Variants in LAMA1 observed in about 807,000 individuals in gnomAD.
LAMA1 encodes laminin subunit alpha 1.
LAMA1 carries 219 observed loss-of-function variants against 348.7 expected under a neutral mutation model. That is an observed-to-expected ratio of 0.63 (90% CI 0.56 to 0.70). The LOEUF (loss-of-function observed/expected upper bound fraction) is 0.70. Among genes scored for constraint, LAMA1 ranks in the 30% least tolerant of loss-of-function variants. The pLI is 0.00. For missense variants in LAMA1, 3,744 were observed against 3,888.0 expected, an observed-to-expected ratio of 0.96 and a Z score of 0.99; for synonymous variants, 1,487 against 1,491.0, an observed-to-expected ratio of 1.00 and a Z score of 0.06.
chr18:7,081,419 T>C (rs2058192976), intron 1 of LAMA1, among the ~76,000 whole-genome samples: 1 of 152,204 alleles, frequency 6.6e-6, no homozygotes, highest in Non-Finnish European at 1.5e-5. Flanking sequence ...GGATTTTTTT[T>C]GTCTCTCTCT....
rs1600353665 is a variant in LAMA1, at chr18:6,964,209, T to C, written c.7337+453A>G. On this transcript the variant is annotated intron_variant, in intron 51 of 62. Transcript: ENST00000389658. ...GCTTTACTTCTCAAATCACATGGCA[T>C]AGAGTACTCTGAATAAATAGAAGCA... The C allele has an allele frequency of 7.5e-5, 18 of 239,772 alleles. 3 individuals carry two copies. The South Asian group carries it at 1.2e-3, about 16-fold the overall frequency. 14.9% of individuals were successfully genotyped at this position (239,772 alleles called of 1,614,324 possible).
intron 3 of LAMA1, among the ~76,000 whole-genome samples, chr18:7,055,260 G>A (rs926405583): frequency 6.6e-6 from 1 of 151,934 alleles, no homozygotes; most frequent in Non-Finnish European, 1.5e-5. Context: ...AGACCAGCCT[G>A]GCCAACATGG....
At chr18:7,008,884 T>A (rs651207) in intron 27 of LAMA1, among the ~76,000 whole-genome samples, 38,809 of 152,098 alleles carry the variant, frequency 0.26, 5,271 homozygotes, top group Non-Finnish European at 0.29. Context: ...GGCTTTCTTT[T>A]TGGGCTAAAG....
In LAMA1 at chr18:7,032,308, C is replaced by T. The variant is rs1598289432; in HGVS notation, c.2164-132G>A. 1.6e-5 allele frequency: 11 copies of T among 708,016 alleles called. No homozygotes were observed. The East Asian group carries it at 3.0e-4, about 19-fold the overall frequency. The allele number at this position is 708,016 out of a possible 1,614,324, so 43.9% of individuals were successfully genotyped here. A position where few individuals can be genotyped will look rare whatever the true frequency, so the allele number is the denominator to read the frequency against. Reference sequence around the variant, plus strand: ...ATCATTTACATGCTACACAATTCACCCATTTTAAGTGTACAATTCAATGAC... The same window carrying T: ...ATCATTTACATGCTACACAATTCACTCATTTTAAGTGTACAATTCAATGAC... On this transcript the variant is annotated intron_variant, in intron 15 of 62. Transcript: ENST00000389658.
Position 7,012,146 on chromosome 18 carries a change from G to T in LAMA1, c.3364-8C>A. 1.9e-6 allele frequency: 3 copies of T among 1,613,780 alleles called. No individual in the cohort carries two copies. The highest frequency in any genetic ancestry group is 2.5e-6 in the Non-Finnish European group (3 of 1,179,870). ...AGGACCAAAGACATTTTCCTACAGG[G>T]GAGCAAATAAAGGACTCGTTTTTGC... On this transcript the variant is annotated splice_polypyrimidine_tract_variant and splice_region_variant and intron_variant, in intron 23 of 62. Transcript: ENST00000389658.
intron 49 of LAMA1, chr18:6,965,814 G>A (rs2057630618): frequency 2.5e-6 from 1 of 402,450 alleles, no homozygotes; most frequent in Non-Finnish European, 4.5e-6. Flanking sequence ...TTCAAACAAT[G>A]TCACGGTGGT....
intron 3 of LAMA1, among the ~76,000 whole-genome samples, chr18:7,067,989 C>T (rs577468380): frequency 9.5e-4 from 144 of 152,142 alleles, no homozygotes; most frequent in African/African-American, 3.2e-3. Flanking sequence ...GAGTAGGTGG[C>T]ATTACAGGCA....
intron 3 of LAMA1, 89 bp from the exon 4 acceptor site, chr18:7,051,025 A>G (rs1198662274): frequency 6.6e-7 from 1 of 1,512,576 alleles, no homozygotes; most frequent in African/African-American, 1.4e-5. Context: ...ACTTAAAGGT[A>G]GAATCTAAGA....
At position 6,946,432 on chromosome 18, in the gene LAMA1, C is replaced by G. The variant is rs78464428; in HGVS notation, c.8844+731G>C. ...TTGTAGTATTGATACAATTAAGTAT[C>G]TTGATTGTGCTAGAAAAATGCATAA... On this transcript the variant is annotated intron_variant, in intron 61 of 62. Transcript: ENST00000389658. 9.1e-3 allele frequency among the ~76,000 whole-genome samples: 1,386 copies of G among 152,186 alleles called. 10 individuals carry two copies. Among genetic ancestry groups the G allele is most frequent in the Middle Eastern group, 0.034 (10 of 294 alleles).
intron 3 of LAMA1, among the ~76,000 whole-genome samples, chr18:7,054,943 T>C (rs1462879416): frequency 1.3e-5 from 2 of 152,146 alleles, no homozygotes; most frequent in Admixed American, 6.6e-5. Flanking sequence ...CATAATACAA[T>C]ACATACAACA....
Position 6,959,227 on chromosome 18 carries a change from G to A in LAMA1, c.7778+114C>T, listed in dbSNP as rs940174297. ...CCTAGCAAGGTTCTAGAATCGTCTG[G>A]ATGCCGATGACCCCAGTCATCTAGC... On this transcript the variant is annotated intron_variant, in intron 54 of 62. Coordinates refer to ENST00000389658, the MANE Select transcript of LAMA1 (RefSeq NM_005559.4). 38 of 1,338,356 alleles carry A rather than the reference G, an allele frequency of 2.8e-5. No individual in the cohort carries two copies. The Admixed American group carries it at 6.4e-4, about 23-fold the overall frequency. The allele number at this position is 1,338,356 out of a possible 1,614,324, so 82.9% of individuals were successfully genotyped here. A position where few individuals can be genotyped will look rare whatever the true frequency, so the allele number is the denominator to read the frequency against.
intron 42 of LAMA1, 136 bp downstream of exon 42, chr18:6,980,385 T>G: frequency 1.5e-6 from 1 of 668,576 alleles, no homozygotes; most frequent in Middle Eastern, 3.3e-4. Context: ...CCTTTGCAAG[T>G]AAAAATTTTG....
chr18:7,065,003 G>A (rs1314195658), intron 3 of LAMA1, among the ~76,000 whole-genome samples: 6 of 151,476 alleles, frequency 4.0e-5, no homozygotes, highest in Non-Finnish European at 7.4e-5. Flanking sequence ...TGGGAGGGGG[G>A]CAGGTGGATC....
intron 3 of LAMA1, among the ~76,000 whole-genome samples, chr18:7,069,779 C>A (rs1300407806): frequency 1.3e-5 from 2 of 151,910 alleles, no homozygotes. Context: ...GTCTGGCACC[C>A]TCTTCCCCAG....
intron 54 of LAMA1, 33 bp from the exon 55 acceptor site, chr18:6,958,695 C>G (rs1384279312): frequency 6.5e-7 from 1 of 1,541,804 alleles, no homozygotes; most frequent in African/African-American, 1.4e-5. Context: ...AAATGAAAAG[C>G]TTTAAACATA....
chr18:6,995,777 C>T (rs1464577108), intron 33 of LAMA1, among the ~76,000 whole-genome samples: 1 of 151,804 alleles, frequency 6.6e-6, no homozygotes, highest in African/African-American at 2.4e-5. Context: ...ATTGCAACAC[C>T]TAAGAAAAAA....
At chr18:6,964,927 G>A (rs117687184) in intron 50 of LAMA1, 124 bp from the exon 51 acceptor site, 35,067 of 1,106,754 alleles carry the variant, frequency 0.032, 740 homozygotes, top group Non-Finnish European at 0.038. Flanking sequence ...CTGCGAATTT[G>A]ATCAGCTAAT....
intron 9 of LAMA1, among the ~76,000 whole-genome samples, chr18:7,041,210 T>C (rs2058019114): frequency 6.6e-6 from 1 of 152,072 alleles, no homozygotes; most frequent in African/African-American, 2.4e-5. Flanking sequence ...CTATCTTTGC[T>C]TTTAATGTCA....
chr18:6,966,300 GC>G lies in LAMA1; in HGVS notation c.6900-4del. The stretch of plus-strand genomic sequence containing the variant: ...AGGAAGGGTCTTCATTCTGGGAGCT[GC>G]AAAGCAGAAGAGATGAAATAGAATC... On this transcript the variant is annotated splice_polypyrimidine_tract_variant and splice_region_variant and intron_variant, in intron 48 of 62. Transcript: ENST00000389658. The G allele has an allele frequency of 6.2e-7, 1 of 1,612,846 alleles. No homozygotes were observed. The highest frequency in any genetic ancestry group is 8.5e-7 in the Non-Finnish European group (1 of 1,179,502).
Sources: gnomAD v4.1 joint callset for allele counts (sites outside exome capture counted in the v4.1 genomes callset) on GRCh38, gnomAD v4.1.1 for gene constraint, MANE v1.5 for transcripts, NCBI Gene and HGNC (gene_info 2026-07-23, HGNC 2026-07-21) for gene names.